TRAPPC9: variants seen among roughly 807,000 people sequenced by gnomAD.
TRAPPC9 encodes trafficking protein particle complex subunit 9.
TRAPPC9 carries 83 observed loss-of-function variants against 124.0 expected under a neutral mutation model. The ratio of observed to expected loss-of-function variants is 0.67; its 90% CI spans 0.56 to 0.80. The LOEUF (loss-of-function observed/expected upper bound fraction) is 0.80. Among genes scored for constraint, TRAPPC9 ranks in the 30% least tolerant of loss-of-function variants. TRAPPC9 has a pLI of 0.00. For missense variants in TRAPPC9, 1,302 were observed against 1,508.3 expected (o/e 0.86, Z 2.27); for synonymous variants, 638 against 617.5 (o/e 1.03, Z -0.49).
intron 21 of TRAPPC9, among the ~76,000 whole-genome samples, chr8:139,804,649 C>G (rs1172766425): frequency 7.7e-6 from 1 of 130,534 alleles, no homozygotes. Flanking sequence ...ACCACCGCCA[C>G]CACCCACCAC....
chr8:140,382,031 A>G (rs1207234333), intron 7 of TRAPPC9, among the ~76,000 whole-genome samples: 1 of 152,240 alleles, frequency 6.6e-6, no homozygotes, highest in Non-Finnish European at 1.5e-5. Context: ...ATGAGTGTTC[A>G]TTGCAGCATT....
At chr8:139,752,167 C>A (rs1819355765) in intron 21 of TRAPPC9, among the ~76,000 whole-genome samples, 3 of 151,170 alleles carry the variant, frequency 2.0e-5, no homozygotes, top group Admixed American at 2.0e-4. Context: ...CATCCATCCA[C>A]TACCATCTAT....
chr8:140,178,647 G>A (rs1306781982), intron 17 of TRAPPC9, among the ~76,000 whole-genome samples: 1 of 151,960 alleles, frequency 6.6e-6, no homozygotes, highest in Non-Finnish European at 1.5e-5. Context: ...ATACAAATTG[G>A]GAAATGTTCC....
In TRAPPC9 at chr8:140,257,862, G is replaced by A. The variant is rs2064305997; in HGVS notation, c.2279-4933C>T. ...TCCAGCACTCTGCACCCAACTGTGT[G>A]AGCTGATCTTTCTGTTTGTAGCTCT... On this transcript the variant is annotated intron_variant, in intron 15 of 22. Transcript: ENST00000438773. This position sits in a 1 kb window ranked among gnomAD's most constrained non-coding sequence, Gnocchi z 4.6. Among the ~76,000 whole-genome samples the A allele has an allele frequency of 6.6e-6, 1 of 152,198 alleles. No individual in the cohort carries two copies. The highest frequency in any genetic ancestry group is 2.4e-5 in the African/African-American group (1 of 41,450).
chr8:140,381,460 G>A (rs1211866967), intron 7 of TRAPPC9, among the ~76,000 whole-genome samples: 1 of 151,986 alleles, frequency 6.6e-6, no homozygotes, highest in African/African-American at 2.4e-5. Context: ...GAGGTCAGGA[G>A]ATCGAGTCCA....
chr8:140,191,501 C>T (rs550799404), intron 17 of TRAPPC9, among the ~76,000 whole-genome samples: 25 of 152,136 alleles, frequency 1.6e-4, no homozygotes, highest in Non-Finnish European at 3.2e-4. Flanking sequence ...CACGTGAGAT[C>T]TAGTTGTTTC....
intron 15 of TRAPPC9, among the ~76,000 whole-genome samples, chr8:140,255,360 T>A (rs1469511442): frequency 1.3e-5 from 2 of 152,250 alleles, no homozygotes; most frequent in Non-Finnish European, 2.9e-5. Flanking sequence ...AGTGGAAGAC[T>A]TGGCATATTA....
rs1260982765 is a variant in TRAPPC9 at position 140,252,193 on chromosome 8, T to A, written c.2431+584A>T. Among the ~76,000 whole-genome samples, 3 of 152,216 alleles carry A rather than the reference T, an allele frequency of 2.0e-5. No individual in the cohort carries two copies. In the East Asian group the frequency reaches 5.8e-4, roughly 30 times the overall value. On this transcript the variant is annotated intron_variant, in intron 16 of 22. Transcript: ENST00000438773. The surrounding 1 kb of genome is among the most constrained non-coding windows in gnomAD (Gnocchi z 4.2). ...GGCATGCGCCACCATGCCCGACGAA[T>A]TTTTGTATTGTTAATAGAGACAGGA...
intron 21 of TRAPPC9, among the ~76,000 whole-genome samples, chr8:139,877,649 G>T (rs1401714661): frequency 2.0e-5 from 3 of 152,122 alleles, no homozygotes; most frequent in Non-Finnish European, 4.4e-5. Context: ...GTCCCCCACT[G>T]CCCGTAGTCT....
intron 21 of TRAPPC9, among the ~76,000 whole-genome samples, chr8:139,770,500 G>A (rs1428125297): frequency 1.3e-5 from 2 of 152,228 alleles, no homozygotes; most frequent in African/African-American, 2.4e-5. Context: ...CTGCTTTGGC[G>A]AGATGGGCCT....
chr8:140,063,148 G>A lies in TRAPPC9; in HGVS notation c.2557-39069C>T, dbSNP rs1273790171. ...CCACTATCATGAGAACGGTGTGGGGGAAGCGGCCACTGTGATTCAATGACC... is the reference window on the plus strand; with the variant it reads ...CCACTATCATGAGAACGGTGTGGGGAAAGCGGCCACTGTGATTCAATGACC... On this transcript the variant is annotated intron_variant, in intron 17 of 22. Transcript: ENST00000438773. The surrounding 1 kb of genome is among the most constrained non-coding windows in gnomAD (Gnocchi z 4.3). Among the ~76,000 whole-genome samples the A allele has an allele frequency of 6.6e-6, 1 of 152,140 alleles. No individual in the cohort carries two copies. Among genetic ancestry groups the A allele is most frequent in the Non-Finnish European group, 1.5e-5 (1 of 68,030 alleles).
chr8:140,185,575 G>C (rs997032530), intron 17 of TRAPPC9, among the ~76,000 whole-genome samples: 2 of 152,132 alleles, frequency 1.3e-5, no homozygotes. Flanking sequence ...CACTCCTGCC[G>C]TGTCCCACCA....
In TRAPPC9 at chr8:139,729,501, G is replaced by A. The variant is rs1187959694; in HGVS notation, c.*1560C>T. Among the ~76,000 whole-genome samples the A allele has an allele frequency of 3.3e-5, 5 of 152,190 alleles. No individual in the cohort carries two copies. The highest frequency in any genetic ancestry group is 4.8e-5 in the African/African-American group (2 of 41,446). On this transcript the variant is annotated 3_prime_UTR_variant, in exon 23 of 23. Transcript: ENST00000438773. ...GGGGCTGCCTTCCCTGGGGAGCCTCGAGCAGATGCTGAATGAGCTCCAGGA... is the reference window on the plus strand; with the variant it reads ...GGGGCTGCCTTCCCTGGGGAGCCTCAAGCAGATGCTGAATGAGCTCCAGGA...
At chr8:140,444,035 CAAAAAAAAA>C (rs35121401) in intron 2 of TRAPPC9, among the ~76,000 whole-genome samples, 8 of 40,912 alleles carry the variant, frequency 2.0e-4, no homozygotes, top group Admixed American at 7.2e-4. Flanking sequence ...GACTCCATCT[CAAAAAAAAA>C]AAAAAAAAAA....
chr8:140,178,546 A>C, intron 17 of TRAPPC9, among the ~76,000 whole-genome samples: 1 of 152,064 alleles, frequency 6.6e-6, no homozygotes, highest in Admixed American at 6.6e-5. Flanking sequence ...TAATTTTTCA[A>C]GGGTTTTGCA....
In TRAPPC9 at chr8:140,123,943, T is replaced by C. The variant is rs544563548; in HGVS notation, c.2556+97516A>G. Among the ~76,000 whole-genome samples the C allele has an allele frequency of 2.0e-5, 3 of 152,312 alleles. No homozygotes were observed. In the South Asian group the frequency reaches 6.2e-4, roughly 32 times the overall value. ...CAGTGGCTTACAACCAAGGTTCATTTCTTCACTGGACAGGCTCTGGTCCAT... is the reference window on the plus strand; with the variant it reads ...CAGTGGCTTACAACCAAGGTTCATTCCTTCACTGGACAGGCTCTGGTCCAT... On this transcript the variant is annotated intron_variant, in intron 17 of 22. Coordinates refer to ENST00000438773, the MANE Select transcript of TRAPPC9 (RefSeq NM_001160372.4).
intron 17 of TRAPPC9, among the ~76,000 whole-genome samples, chr8:140,152,660 G>A (rs1034065282): frequency 2.7e-4 from 41 of 152,074 alleles, no homozygotes; most frequent in African/African-American, 6.3e-4. Flanking sequence ...GAGCCACTGC[G>A]CCCGGCCATG....
chr8:139,757,318 G>C (rs1819907352), intron 21 of TRAPPC9, among the ~76,000 whole-genome samples: 1 of 146,486 alleles, frequency 6.8e-6, no homozygotes, highest in Admixed American at 6.7e-5. Context: ...GTCGCAGGAG[G>C]AGCCAGGGAT....
chr8:139,752,130 C>T (rs147723090), intron 21 of TRAPPC9, among the ~76,000 whole-genome samples: 2,980 of 151,188 alleles, frequency 0.02, 90 homozygotes, highest in African/African-American at 0.067. Flanking sequence ...ACCATCCATC[C>T]ATCTATATAT....
Sources: gnomAD v4.1 joint callset for allele counts (sites outside exome capture counted in the v4.1 genomes callset) on GRCh38, gnomAD v4.1.1 for gene constraint, Gnocchi (gnomAD v3.1) non-coding constraint, MANE v1.5 for transcripts, NCBI Gene and HGNC (gene_info 2026-07-23, HGNC 2026-07-21) for gene names.